Variants in RERE observed in about 807,000 individuals in gnomAD.
RERE encodes arginine-glutamic acid dipeptide repeats, also known as arginine-glutamic acid dipeptide repeats protein.
In RERE, 40 loss-of-function variants were observed where a neutral mutation model predicts 146.1. That is an observed-to-expected ratio of 0.27 (90% CI 0.21 to 0.36). RERE has a LOEUF of 0.36. RERE is among the 10% of genes least tolerant of loss of function. The pLI is 1.00. For missense variants in RERE, 1,933 were observed against 2,138.7 expected (o/e 0.90, Z 1.90); for synonymous variants, 1,003 against 866.0 (o/e 1.16, Z -2.78).
rs1641281838 is a variant in RERE, at chr1:8,356,095, C to A, written c.4486+5G>T. ...TCCCCGCCCCTCCTGGAGGGGAAGT[C>A]TTACCGAAAACTGGGTGGCGAAGCA... On this transcript the variant is annotated splice_donor_5th_base_variant and intron_variant, in intron 21 of 22. Coordinates refer to ENST00000400908, the MANE Select transcript of RERE (RefSeq NM_001042681.2). The surrounding 1 kb of genome is among the most constrained non-coding windows in gnomAD (Gnocchi z 5.2). The A allele has an allele frequency of 3.3e-6, 5 of 1,493,926 alleles. No individual in the cohort carries two copies. The highest frequency in any genetic ancestry group is 4.4e-6 in the Non-Finnish European group (5 of 1,124,610). The allele number at this position is 1,493,926 out of a possible 1,614,324, so 92.5% of individuals were successfully genotyped here.
chr1:8,781,492 C>G (rs1177656815), intron 1 of RERE, among the ~76,000 whole-genome samples: 1 of 151,922 alleles, frequency 6.6e-6, no homozygotes, highest in East Asian at 1.9e-4. Flanking sequence ...CCACTGCATT[C>G]CAGCCTGGGC....
At chr1:8,391,615 T>C (rs1196631066) in intron 12 of RERE, among the ~76,000 whole-genome samples, 2 of 152,226 alleles carry the variant, frequency 1.3e-5, no homozygotes, top group East Asian at 1.9e-4. Flanking sequence ...TCTTCAGATA[T>C]TCCTTTCTTA....
chr1:8,388,592 T>C (rs1218421802), intron 12 of RERE, among the ~76,000 whole-genome samples: 2 of 152,204 alleles, frequency 1.3e-5, no homozygotes, highest in Non-Finnish European at 1.5e-5. Flanking sequence ...GTGCTGGGAT[T>C]ACAGGCGTGA....
At chr1:8,358,150 A>C (rs1208214937) in intron 20 of RERE, 46 bp downstream of exon 20, 2 of 1,550,296 alleles carry the variant, frequency 1.3e-6, no homozygotes, top group African/African-American at 2.7e-5. Context: ...CAGGCTCTGC[A>C]CCCCTCCCCG....
At chr1:8,416,959 G>A (rs1023334846) in intron 12 of RERE, among the ~76,000 whole-genome samples, 4 of 151,378 alleles carry the variant, frequency 2.6e-5, no homozygotes, top group Non-Finnish European at 5.9e-5. Flanking sequence ...CACACTGTGA[G>A]CAGTGAGGAT....
At position 8,360,178 on chromosome 1, in the gene RERE, G is replaced by C. The variant is rs762952257; in HGVS notation, c.3329C>G (p.Pro1110Arg). Residue 1110 changes from proline (P) to arginine (R), a missense_variant, in exon 18 of 23, where the codon CCA (proline) becomes CGA (arginine). This residue lies in a region of RERE where 1,255 missense variants were observed against 1,153.8 expected (regional missense o/e 1.09). Coordinates refer to ENST00000400908, the MANE Select transcript of RERE (RefSeq NM_001042681.2). ...DAEEPESPPP[P>R]PRSPSPEPTV... ...GGGCTCCGGGGACGGGCTCCTTGGT[G>C]GGGGAGGGGGGCTCTCAGGCTCCTC... The C allele has an allele frequency of 2.5e-6, 4 of 1,598,194 alleles. No homozygotes were observed. The highest frequency in any genetic ancestry group is 1.3e-5 in the African/African-American group (1 of 74,600).
intron 4 of RERE, among the ~76,000 whole-genome samples, chr1:8,612,975 A>G (rs182665980): frequency 1.3e-5 from 2 of 152,318 alleles, no homozygotes; most frequent in East Asian, 3.9e-4. Flanking sequence ...TTTTGGTATG[A>G]CCCTTGAGTA....
At chr1:8,478,895 G>C (rs965718388) in intron 10 of RERE, among the ~76,000 whole-genome samples, 1 of 152,052 alleles carries the variant, frequency 6.6e-6, no homozygotes, top group African/African-American at 2.4e-5. Flanking sequence ...AAACAACCTG[G>C]GAGGTCAGAA....
At chr1:8,635,461 C>G (rs568872372) in intron 2 of RERE, among the ~76,000 whole-genome samples, 1 of 152,292 alleles carries the variant, frequency 6.6e-6, no homozygotes, top group Admixed American at 6.5e-5. Flanking sequence ...ATTGTTCAAG[C>G]CCTAAGAGGC....
chr1:8,699,586 G>A (rs1184027647), intron 1 of RERE, among the ~76,000 whole-genome samples: 1 of 152,168 alleles, frequency 6.6e-6, no homozygotes, highest in African/African-American at 2.4e-5. Flanking sequence ...ACTTACAAAT[G>A]AACTTGTGAT....
chr1:8,473,109 G>A (rs900892034), intron 10 of RERE, among the ~76,000 whole-genome samples: 1 of 152,060 alleles, frequency 6.6e-6, no homozygotes, highest in Non-Finnish European at 1.5e-5. Flanking sequence ...CTAGCAATCG[G>A]CCTTTGGTCT....
rs1318842334 is a variant in RERE, at chr1:8,659,894, T to C, written c.-144-3453A>G. On this transcript the variant is annotated intron_variant, in intron 1 of 22. Coordinates refer to ENST00000400908, the MANE Select transcript of RERE (RefSeq NM_001042681.2). ...GTTTCTATTTACAAAGAAAATAGAG[T>C]TGTTTCTGCCAAAAGTGAGCAAGAA... Among the ~76,000 whole-genome samples the C allele has an allele frequency of 4.6e-5, 7 of 151,982 alleles. No homozygotes were observed. In the East Asian group the frequency reaches 1.3e-3, roughly 29 times the overall value.
chr1:8,751,817 T>C (rs1640543557), intron 1 of RERE, among the ~76,000 whole-genome samples: 2 of 151,540 alleles, frequency 1.3e-5, no homozygotes, highest in Admixed American at 6.6e-5. Context: ...CATCTAGTTA[T>C]ATATGCAAGG....
At chr1:8,448,200 C>T (rs1343468139) in intron 11 of RERE, among the ~76,000 whole-genome samples, 1 of 152,080 alleles carries the variant, frequency 6.6e-6, no homozygotes, top group Non-Finnish European at 1.5e-5. Context: ...GATGACGTTT[C>T]CTATTATCAG....
chr1:8,400,898 G>A (rs1472449563), intron 12 of RERE, among the ~76,000 whole-genome samples: 2 of 141,934 alleles, frequency 1.4e-5, no homozygotes, highest in Admixed American at 1.4e-4. Context: ...TGCACCTGTA[G>A]TCCCAACTAC....
intron 10 of RERE, among the ~76,000 whole-genome samples, chr1:8,484,427 AC>A (rs1644872628): frequency 7.0e-6 from 1 of 142,108 alleles, no homozygotes; most frequent in Non-Finnish European, 1.5e-5. Context: ...TACAAATAAA[AC>A]TTTTTTTTTT....
At chr1:8,671,273 A>G (rs913328292) in intron 1 of RERE, among the ~76,000 whole-genome samples, 2 of 152,228 alleles carry the variant, frequency 1.3e-5, no homozygotes, top group Admixed American at 6.5e-5. Flanking sequence ...GTAAACTGCC[A>G]ATGAAGTTGA....
At chr1:8,470,193 C>T (rs1644661821) in intron 10 of RERE, among the ~76,000 whole-genome samples, 2 of 152,060 alleles carry the variant, frequency 1.3e-5, no homozygotes, top group Admixed American at 6.5e-5. Flanking sequence ...AGTCCCTACC[C>T]GTCCTCACCC....
chr1:8,650,741 A>G (rs1392379141), intron 2 of RERE, among the ~76,000 whole-genome samples: 1 of 152,092 alleles, frequency 6.6e-6, no homozygotes, highest in African/African-American at 2.4e-5. Context: ...TACTAAAAAC[A>G]CAAAAATTAG....
Sources: allele counts gnomAD v4.1 joint callset (sites outside exome capture counted in the v4.1 genomes callset), GRCh38; gene constraint gnomAD v4.1.1; regional missense constraint gnomAD v4.1.1; non-coding constraint Gnocchi (gnomAD v3.1); transcripts MANE v1.5; gene names NCBI Gene and HGNC (gene_info 2026-07-23, HGNC 2026-07-21).